The following ZNF439 variants were observed in gnomAD, a reference collection of about 807,000 sequenced individuals.
The protein encoded by ZNF439 is zinc finger protein 439.
In ZNF439, 40 loss-of-function variants were observed where a neutral mutation model predicts 47.3. The observed-to-expected ratio is 0.85, with a 90% CI of 0.66 to 1.10. The LOEUF (loss-of-function observed/expected upper bound fraction) is 1.10. Among genes scored for constraint, ZNF439 ranks in the 50% least tolerant of loss-of-function variants. The pLI is 0.00. For synonymous variants in ZNF439, 171 were observed against 198.8 expected (o/e 0.86, Z 1.18); for missense variants, 556 against 601.1 (o/e 0.93, Z 0.78).
At chr19:11,859,554 G>A (rs1976484658) in intron 1 of ZNF439, among the ~76,000 whole-genome samples, 1 of 152,176 alleles carries the variant, frequency 6.6e-6, no homozygotes, top group South Asian at 2.1e-4. Context: ...TAATCCTAAA[G>A]TAAATGGGCT....
At chr19:11,864,210 C>T (rs1009563744) in intron 1 of ZNF439, among the ~76,000 whole-genome samples, 1 of 152,200 alleles carries the variant, frequency 6.6e-6, no homozygotes, top group African/African-American at 2.4e-5. Context: ...ATAACTCCCA[C>T]ATGCTTAGCG....
In ZNF439 at chr19:11,868,081, C is replaced by G; in HGVS notation, c.1027C>G (p.Leu343Val). 1 of 1,614,134 alleles carries G rather than the reference C, an allele frequency of 6.2e-7. No homozygotes were observed. Among genetic ancestry groups the G allele is most frequent in the Non-Finnish European group, 8.5e-7 (1 of 1,180,030 alleles). ...GCAGTGTGGGAAAGCATTATCCTCT[C>G]TTACAAGTTTTCAAACACACATAAG... ...CKQCGKALSS[L>V]TSFQTHIRMH... Residue 343 changes from leucine (L) to valine (V), a missense_variant, in exon 4 of 4, where the codon CTT (leucine) becomes GTT (valine). Leu to Val is a conservative substitution (Grantham distance 32, BLOSUM62 1). Transcript: ENST00000682736.
In ZNF439 at chr19:11,868,265, A is replaced by G. The variant is rs1389277931; in HGVS notation, c.1211A>G (p.Tyr404Cys). 2.5e-6 allele frequency: 4 copies of G among 1,613,762 alleles called. No homozygotes were observed. Among genetic ancestry groups the G allele is most frequent in the East Asian group, 4.5e-5 (2 of 44,826 alleles). ...TTCACTCGTTCCGGTTCCTTTCGAT[A>G]TCATGAAAGGACTCACACTGGAGAG... is the stretch of plus-strand genomic sequence containing the variant. ...KAFTRSGSFR[Y>C]HERTHTGEKP... The change falls in exon 4 of 4, where the codon TAT (tyrosine) becomes TGT (cysteine). Residue 404 changes from tyrosine to cysteine, a missense_variant. By Grantham distance (194) the Tyr-to-Cys change is radical. Transcript: ENST00000682736.
chr19:11,860,786 C>T (rs150217834), intron 1 of ZNF439, among the ~76,000 whole-genome samples: 3 of 152,266 alleles, frequency 2.0e-5, no homozygotes, highest in Non-Finnish European at 2.9e-5. Flanking sequence ...ATTCTTTGAA[C>T]AATAGGCTCC....
intron 1 of ZNF439, among the ~76,000 whole-genome samples, chr19:11,864,157 GA>G (rs930790043): frequency 1.3e-5 from 2 of 152,038 alleles, no homozygotes; most frequent in African/African-American, 4.8e-5. Context: ...GCAGACGTGT[GA>G]AAAATCAGAC....
intron 1 of ZNF439, chr19:11,858,302 C>CAA (rs33950344): frequency 0.18 from 25,400 of 139,988 alleles, 2,885 homozygotes; most frequent in African/African-American, 0.33. Context: ...ACTAAAAATA[C>CAA]AAAAAAAAAA....
At chr19:11,864,885 A>G (rs1416054719) in intron 1 of ZNF439, among the ~76,000 whole-genome samples, 1 of 151,508 alleles carries the variant, frequency 6.6e-6, no homozygotes, top group Non-Finnish European at 1.5e-5. Context: ...ACCTCAAGCA[A>G]TTTTCCTGCC....
Position 11,848,894 on chromosome 19 carries a change from T to C in ZNF439, c.27T>C (p.Cys9=). MPCFTHRS[C]REDPGTSESR... is the part of the protein sequence containing the mutation. ...TGCCCTGCTTTACTCACAGGAGCTG[T>C]AGAGAGGACCCCGGTACATCTGAAA... The change falls in exon 1 of 4, where the codon TGT becomes TGC. Residue 9 remains cysteine, a synonymous_variant. Coordinates refer to ENST00000682736, the MANE Select transcript of ZNF439 (RefSeq NM_001348719.2). The C allele has an allele frequency of 6.4e-7, 1 of 1,573,316 alleles. No homozygotes were observed. Among genetic ancestry groups the C allele is most frequent in the East Asian group, 2.4e-5 (1 of 42,462 alleles).
intron 1 of ZNF439, chr19:11,857,547 T>C (rs1336399875): frequency 6.6e-6 from 1 of 152,216 alleles, no homozygotes; most frequent in African/African-American, 2.4e-5. Context: ...GCAAAGGCTT[T>C]TGCGGCTACA....
At chr19:11,857,275 G>A (rs1976411914) in intron 1 of ZNF439, 1 of 152,196 alleles carries the variant, frequency 6.6e-6, no homozygotes, top group Non-Finnish European at 1.5e-5. Context: ...ATCTGCAAGA[G>A]CAATTTGCTA....
intron 1 of ZNF439, among the ~76,000 whole-genome samples, chr19:11,865,712 C>CAAAAAAAAAA (rs71166640): frequency 2.4e-5 from 2 of 82,002 alleles, no homozygotes; most frequent in African/African-American, 6.8e-5. Context: ...TACACTATCA[C>CAAAAAAAAAA]AAAAAAAAAA....
intron 1 of ZNF439, among the ~76,000 whole-genome samples, chr19:11,855,305 A>G (rs1976355387): frequency 1.3e-5 from 2 of 152,186 alleles, no homozygotes; most frequent in Non-Finnish European, 2.9e-5. Flanking sequence ...CTCTGGGTCC[A>G]TGGAGGGGGG....
intron 1 of ZNF439, among the ~76,000 whole-genome samples, chr19:11,851,818 T>C (rs12972457): frequency 0.17 from 25,279 of 151,974 alleles, 2,736 homozygotes; most frequent in African/African-American, 0.3. Context: ...CTGGGTAATT[T>C]TTAATTTTTT....
Position 11,868,567 on chromosome 19 carries a change from T to G in ZNF439, c.1513T>G (p.Ter505GluextTer2). 6.2e-7 allele frequency: 1 copy of G among 1,602,640 alleles called. No homozygotes were observed. Among genetic ancestry groups the G allele is most frequent in the Non-Finnish European group, 8.5e-7 (1 of 1,175,694 alleles). Residue 505 changes from the stop codon to glutamate (E), a stop_lost, in exon 4 of 4, where the codon TAA becomes GAA. Coordinates refer to ENST00000682736, the MANE Select transcript of ZNF439 (RefSeq NM_001348719.2). ...GAATGCACTCTGGAGAAAGACCTTATAAATATAAGATATATGGGAAACACT... is the reference window on the plus strand; with the variant it reads ...GAATGCACTCTGGAGAAAGACCTTAGAAATATAAGATATATGGGAAACACT... The part of the protein sequence containing the change: ...HKNALWRKTL[*>E]
intron 1 of ZNF439, among the ~76,000 whole-genome samples, chr19:11,855,502 G>A (rs907477544): frequency 3.3e-5 from 5 of 152,192 alleles, no homozygotes; most frequent in African/African-American, 4.8e-5. Context: ...TGACATCTCT[G>A]TGGTGATACA....
intron 1 of ZNF439, chr19:11,857,099 T>C (rs1253121101): frequency 6.6e-6 from 1 of 152,242 alleles, no homozygotes; most frequent in Admixed American, 6.5e-5. Flanking sequence ...TGAGTATGTT[T>C]AGGTCCCAAC....
At chr19:11,861,498 C>T (rs1218493853) in intron 1 of ZNF439, among the ~76,000 whole-genome samples, 1 of 152,056 alleles carries the variant, frequency 6.6e-6, no homozygotes, top group African/African-American at 2.4e-5. Context: ...GGCAGAGATG[C>T]CTGGTATACG....
chr19:11,862,266 G>C (rs939895958), intron 1 of ZNF439, among the ~76,000 whole-genome samples: 5 of 152,018 alleles, frequency 3.3e-5, no homozygotes, highest in African/African-American at 7.3e-5. Flanking sequence ...ACCATAGTTT[G>C]TTTCTTTATT....
intron 1 of ZNF439, 125 bp downstream of exon 1, chr19:11,849,055 G>A: frequency 8.1e-7 from 1 of 1,232,094 alleles, no homozygotes; most frequent in Non-Finnish European, 1.0e-6. Flanking sequence ...TCGGCCCTCG[G>A]TCCCCGCGGC....
Sources: gnomAD v4.1 joint callset for allele counts (sites outside exome capture counted in the v4.1 genomes callset) on GRCh38, gnomAD v4.1.1 for gene constraint, MANE v1.5 for transcripts, NCBI Gene and HGNC (gene_info 2026-07-23, HGNC 2026-07-21) for gene names.